PLEKHA5: variants seen among roughly 807,000 people sequenced by gnomAD.
PLEKHA5 encodes pleckstrin homology domain-containing family A member 5.
Under a neutral mutation model 181.9 loss-of-function variants are expected in PLEKHA5, and 55 were observed. That is an observed-to-expected ratio of 0.30 (90% CI 0.24 to 0.38). PLEKHA5 has a LOEUF of 0.38. Among genes scored for constraint, PLEKHA5 ranks in the 10% least tolerant of loss-of-function variants. The pLI is 1.00. For missense variants in PLEKHA5, 1,432 were observed against 1,549.5 expected (o/e 0.92, Z 1.27); for synonymous variants, 535 against 529.4 (o/e 1.01, Z -0.15).
chr12:19,137,646 A>G (rs1269002720), intron 3 of PLEKHA5, among the ~76,000 whole-genome samples: 2 of 152,186 alleles, frequency 1.3e-5, no homozygotes, highest in Non-Finnish European at 2.9e-5. Flanking sequence ...TTAAACTCCT[A>G]TAATCCTCAC....
In PLEKHA5 at chr12:19,314,799, C is replaced by A. The variant is rs767900312; in HGVS notation, c.2038-15C>A. ...AAACTGATGTTTGCTGTATGCTCCT[C>A]CTGATTTGAAATAGATGAAAGAAAA... On this transcript the variant is annotated splice_polypyrimidine_tract_variant and intron_variant, in intron 15 of 31. Coordinates refer to ENST00000429027, the MANE Select transcript of PLEKHA5 (RefSeq NM_001256470.2). 1 of 1,443,728 alleles carries A rather than the reference C, an allele frequency of 6.9e-7. No individual in the cohort carries two copies. Among genetic ancestry groups the A allele is most frequent in the South Asian group, 1.2e-5 (1 of 81,858 alleles). 89.4% of individuals were successfully genotyped at this position (1,443,728 alleles called of 1,614,324 possible).
intron 10 of PLEKHA5, among the ~76,000 whole-genome samples, chr12:19,274,035 G>A (rs949251171): frequency 1.3e-5 from 2 of 152,176 alleles, no homozygotes; most frequent in Non-Finnish European, 1.5e-5. Context: ...AACAAAAGGA[G>A]TTAATTATAT....
chr12:19,313,057 G>A (rs370711341), intron 15 of PLEKHA5, among the ~76,000 whole-genome samples: 2 of 152,162 alleles, frequency 1.3e-5, no homozygotes, highest in African/African-American at 4.8e-5. Flanking sequence ...CGGCTGGTCA[G>A]TGAAACAGAA....
chr12:19,322,920 A>G (rs2153048675), intron 20 of PLEKHA5, among the ~76,000 whole-genome samples: 1 of 151,850 alleles, frequency 6.6e-6, no homozygotes, highest in Non-Finnish European at 1.5e-5. Flanking sequence ...TATTTTGACT[A>G]TAACTCACTT....
At chr12:19,153,159 G>A (rs982887900) in intron 3 of PLEKHA5, 2 of 152,106 alleles carry the variant, frequency 1.3e-5, no homozygotes, top group African/African-American at 2.4e-5. Context: ...TTACCACTAA[G>A]AATGATATCT....
intron 3 of PLEKHA5, among the ~76,000 whole-genome samples, chr12:19,217,331 T>C (rs868230723): frequency 1.3e-5 from 2 of 152,162 alleles, no homozygotes; most frequent in South Asian, 2.1e-4. Context: ...AAAGATTGAA[T>C]AAAGCAGTAG....
At chr12:19,300,435 A>G (rs1002978684) in intron 15 of PLEKHA5, among the ~76,000 whole-genome samples, 2 of 152,178 alleles carry the variant, frequency 1.3e-5, no homozygotes, top group African/African-American at 4.8e-5. Flanking sequence ...TATAAATACT[A>G]TTTTACAGTT....
At chr12:19,219,922 A>G (rs1195756741) in intron 3 of PLEKHA5, among the ~76,000 whole-genome samples, 6 of 152,148 alleles carry the variant, frequency 3.9e-5, no homozygotes, top group African/African-American at 1.4e-4. Context: ...TTTCAAAACA[A>G]TTTTCTTCTT....
chr12:19,329,387 T>G (rs2092616841), intron 20 of PLEKHA5, among the ~76,000 whole-genome samples: 1 of 152,178 alleles, frequency 6.6e-6, no homozygotes. Context: ...TCCTTATTTT[T>G]TTGGAATAGT....
chr12:19,365,845 T>A (rs1193389748), intron 29 of PLEKHA5, 119 bp from the exon 30 acceptor site: 12 of 623,316 alleles, frequency 1.9e-5, no homozygotes, highest in Non-Finnish European at 3.2e-5. Context: ...AAGAAAAGAT[T>A]AATTGTAAGA....
intron 21 of PLEKHA5, 26 bp downstream of exon 21, chr12:19,336,642 T>C: frequency 1.6e-6 from 2 of 1,287,182 alleles, no homozygotes; most frequent in Non-Finnish European, 2.2e-6. Context: ...ATTCTTTATA[T>C]TGTTTTAACT....
intron 16 of PLEKHA5, among the ~76,000 whole-genome samples, chr12:19,316,667 C>G (rs1247854304): frequency 6.6e-6 from 1 of 152,088 alleles, no homozygotes; most frequent in Non-Finnish European, 1.5e-5. Flanking sequence ...GCTAGGGAGT[C>G]TTCAGACTGT....
chr12:19,230,322 G>A (rs560758162), intron 3 of PLEKHA5, among the ~76,000 whole-genome samples: 9 of 152,306 alleles, frequency 5.9e-5, no homozygotes, highest in Admixed American at 3.9e-4. Context: ...GCACTGGGCC[G>A]CAGGCGGACC....
chr12:19,147,206 TAAGTC>T (rs906927959), intron 3 of PLEKHA5: 8 of 152,194 alleles, frequency 5.3e-5, no homozygotes, highest in African/African-American at 1.9e-4. Context: ...CTGTTACACA[TAAGTC>T]AATGAGTATT....
chr12:19,161,154 G>A (rs1565883211), intron 3 of PLEKHA5, among the ~76,000 whole-genome samples: 1 of 151,956 alleles, frequency 6.6e-6, no homozygotes, highest in Non-Finnish European at 1.5e-5. Flanking sequence ...TCTGAATAAA[G>A]GCATTAGAAC....
At chr12:19,310,559 A>T (rs1309022266) in intron 15 of PLEKHA5, among the ~76,000 whole-genome samples, 1 of 151,352 alleles carries the variant, frequency 6.6e-6, no homozygotes, top group Admixed American at 6.6e-5. Context: ...GAAGTGAGCC[A>T]AAATGGTGCC....
In PLEKHA5 at chr12:19,322,532, A is replaced by G; in HGVS notation, c.2313A>G (p.Gln771=). 1 of 1,614,014 alleles carries G rather than the reference A, an allele frequency of 6.2e-7. No individual in the cohort carries two copies. Among genetic ancestry groups the G allele is most frequent in the East Asian group, 2.2e-5 (1 of 44,880 alleles). ...QLHKEKYTLE[Q]ALLSASQEIE... ...TATCATAATAGTACACGCTTGAGCAAGCTTTGCTATCAGCCAGCCAAGAGA... is the reference window on the plus strand; with the variant it reads ...TATCATAATAGTACACGCTTGAGCAGGCTTTGCTATCAGCCAGCCAAGAGA... Residue 771 remains glutamine (Q), a synonymous_variant, in exon 20 of 32, where the codon CAA becomes CAG. Coordinates refer to ENST00000429027, the MANE Select transcript of PLEKHA5 (RefSeq NM_001256470.2).
At chr12:19,170,431 T>C (rs1022491375) in intron 3 of PLEKHA5, among the ~76,000 whole-genome samples, 1 of 147,964 alleles carries the variant, frequency 6.8e-6, no homozygotes, top group African/African-American at 2.4e-5. Flanking sequence ...CAGAAGACTT[T>C]TTTTTTTTTT....
intron 18 of PLEKHA5, chr12:19,321,522 C>T (rs541343375): frequency 5.6e-4 from 79 of 141,416 alleles, no homozygotes; most frequent in African/African-American, 1.9e-3. Flanking sequence ...TGCCACCATG[C>T]CCAGCTAACT....
Sources: gnomAD v4.1 joint callset for allele counts (sites outside exome capture counted in the v4.1 genomes callset) on GRCh38, gnomAD v4.1.1 for gene constraint, MANE v1.5 for transcripts, NCBI Gene and HGNC (gene_info 2026-07-23, HGNC 2026-07-21) for gene names.